The following SGCZ variants were observed in gnomAD, a reference collection of about 807,000 sequenced individuals.
SGCZ encodes sarcoglycan zeta.
A neutral mutation model predicts 41.3 loss-of-function variants in SGCZ; 40 were observed. That is an observed-to-expected ratio of 0.97 (90% CI 0.75 to 1.26). The LOEUF (loss-of-function observed/expected upper bound fraction) is 1.26. Ranked by LOEUF, SGCZ falls within the 50% of genes most tolerant of loss-of-function variation. The pLI is 0.00. For missense variants in SGCZ, 552 were observed against 369.8 expected (o/e 1.49, Z -4.04); for synonymous variants, 206 against 137.5 (o/e 1.50, Z -3.49).
chr8:14,387,810 C>G (rs1379907654), intron 2 of SGCZ, among the ~76,000 whole-genome samples: 1 of 151,980 alleles, frequency 6.6e-6, no homozygotes, highest in Admixed American at 6.6e-5. Context: ...GAGTTTTAGT[C>G]TTCATCTGGT....
intron 1 of SGCZ, among the ~76,000 whole-genome samples, chr8:14,604,327 C>T (rs759891408): frequency 2.0e-5 from 3 of 152,056 alleles, no homozygotes; most frequent in African/African-American, 4.8e-5. Context: ...AATTGTGAGG[C>T]CTAGTGTAAG....
At chr8:14,183,331 A>C (rs941437531) in intron 4 of SGCZ, among the ~76,000 whole-genome samples, 1 of 152,120 alleles carries the variant, frequency 6.6e-6, no homozygotes, top group African/African-American at 2.4e-5. Flanking sequence ...GTTTTCAGGA[A>C]GAAAATGATA....
chr8:15,145,503 G>C (rs1341963990), intron 1 of SGCZ, among the ~76,000 whole-genome samples: 1 of 152,034 alleles, frequency 6.6e-6, no homozygotes, highest in Non-Finnish European at 1.5e-5. Flanking sequence ...TTCTCACCTT[G>C]TCACCTACGC....
chr8:15,048,527 G>C lies in SGCZ; in HGVS notation c.39+189058C>G, dbSNP rs1477150745. 2.0e-5 allele frequency among the ~76,000 whole-genome samples: 3 copies of C among 151,980 alleles called. No individual in the cohort carries two copies. In the East Asian group the frequency reaches 5.8e-4, roughly 29 times the overall value. ...GAAATGATACATGTTTGAGGAAATG[G>C]AAATTCCAATTATCCTGACTTGATC... On this transcript the variant is annotated intron_variant, in intron 1 of 7. Coordinates refer to ENST00000382080, the MANE Select transcript of SGCZ (RefSeq NM_139167.4).
intron 1 of SGCZ, among the ~76,000 whole-genome samples, chr8:15,094,906 T>C (rs1397262787): frequency 1.3e-5 from 2 of 152,164 alleles, no homozygotes; most frequent in Non-Finnish European, 2.9e-5. Flanking sequence ...TGCAGAACTG[T>C]GAATCAATTT....
intron 2 of SGCZ, among the ~76,000 whole-genome samples, chr8:14,468,280 C>G (rs17119305): frequency 0.011 from 1,734 of 152,068 alleles, 32 homozygotes; most frequent in African/African-American, 0.039. Context: ...TTCACTAGAT[C>G]CTTCAAATAA....
At chr8:14,773,372 C>A (rs1410186188) in intron 1 of SGCZ, among the ~76,000 whole-genome samples, 1 of 152,140 alleles carries the variant, frequency 6.6e-6, no homozygotes, top group Non-Finnish European at 1.5e-5. Context: ...CACTACAACC[C>A]AGTTATGAGA....
intron 1 of SGCZ, among the ~76,000 whole-genome samples, chr8:14,742,602 AC>A (rs2130284887): frequency 6.6e-6 from 1 of 152,242 alleles, no homozygotes; most frequent in East Asian, 1.9e-4. Flanking sequence ...ATAAAATTGT[AC>A]CTATTGTATA....
chr8:14,449,368 G>A (rs1421258193), intron 2 of SGCZ, among the ~76,000 whole-genome samples: 1 of 152,162 alleles, frequency 6.6e-6, no homozygotes, highest in Non-Finnish European at 1.5e-5. Context: ...TACCATGGCT[G>A]TGGCACATGA....
intron 1 of SGCZ, among the ~76,000 whole-genome samples, chr8:15,186,262 C>CAAAAAAAAAAAAAAAAAAAAAAAAAAAA (rs61237091): frequency 1.2e-5 from 1 of 80,718 alleles, no homozygotes; most frequent in Non-Finnish European, 2.2e-5. Flanking sequence ...GATTCCGTAC[C>CAAAAAAAAAAAAAAAAAAAAAAAAAAAA]AAAAAAAAAA....
chr8:14,446,808 A>G (rs78723968), intron 2 of SGCZ, among the ~76,000 whole-genome samples: 4,352 of 152,258 alleles, frequency 0.029, 229 homozygotes, highest in African/African-American at 0.099. Flanking sequence ...GTAAAAACTA[A>G]TACGTATATG....
intron 1 of SGCZ, among the ~76,000 whole-genome samples, chr8:14,968,281 G>A (rs996097113): frequency 6.6e-6 from 1 of 151,920 alleles, no homozygotes; most frequent in African/African-American, 2.4e-5. Flanking sequence ...AGATTTTTGT[G>A]GCAGATTGAT....
At chr8:14,766,966 T>C (rs975536374) in intron 1 of SGCZ, among the ~76,000 whole-genome samples, 5 of 152,144 alleles carry the variant, frequency 3.3e-5, no homozygotes, top group African/African-American at 1.2e-4. Flanking sequence ...AAACTAAATG[T>C]TTTGAAAAAC....
chr8:14,513,029 T>A (rs1047175285), intron 2 of SGCZ, among the ~76,000 whole-genome samples: 3 of 152,180 alleles, frequency 2.0e-5, no homozygotes, highest in Non-Finnish European at 1.5e-5. Flanking sequence ...CAAATCTTGT[T>A]CGTGCCTTGC....
intron 2 of SGCZ, among the ~76,000 whole-genome samples, chr8:14,473,920 A>G (rs1452883324): frequency 6.8e-6 from 1 of 146,634 alleles, no homozygotes; most frequent in Non-Finnish European, 1.5e-5. Flanking sequence ...CCTGGGCGAC[A>G]GAGCAAGACC....
At chr8:14,427,238 C>G (rs555999306) in intron 2 of SGCZ, among the ~76,000 whole-genome samples, 1 of 152,152 alleles carries the variant, frequency 6.6e-6, no homozygotes, top group Admixed American at 6.5e-5. Context: ...TGACTACTAG[C>G]CTTAGTACAT....
At chr8:14,291,358 C>T (rs965532201) in intron 3 of SGCZ, among the ~76,000 whole-genome samples, 1 of 151,876 alleles carries the variant, frequency 6.6e-6, no homozygotes, top group African/African-American at 2.4e-5. Context: ...TGCTAATTAC[C>T]TTGACTTCAT....
intron 1 of SGCZ, among the ~76,000 whole-genome samples, chr8:14,782,865 G>A (rs1444255612): frequency 6.6e-6 from 1 of 152,168 alleles, no homozygotes; most frequent in East Asian, 1.9e-4. Flanking sequence ...TCATGCATAT[G>A]CTTCAACAGC....
At chr8:14,877,913 T>C (rs1273586723) in intron 1 of SGCZ, among the ~76,000 whole-genome samples, 1 of 152,094 alleles carries the variant, frequency 6.6e-6, no homozygotes, top group Non-Finnish European at 1.5e-5. Context: ...TTTTCCAATG[T>C]AAATGTGAAA....
Sources: allele counts gnomAD v4.1 joint callset (sites outside exome capture counted in the v4.1 genomes callset), GRCh38; gene constraint gnomAD v4.1.1; transcripts MANE v1.5; gene names NCBI Gene and HGNC (gene_info 2026-07-23, HGNC 2026-07-21).